The following PRKCH variants were observed in gnomAD, a reference collection of about 807,000 sequenced individuals.
PRKCH encodes the protein protein kinase C eta.
Under a neutral mutation model 82.5 loss-of-function variants are expected in PRKCH, and 28 were observed. The ratio of observed to expected loss-of-function variants is 0.34; its 90% CI spans 0.25 to 0.47. The LOEUF (loss-of-function observed/expected upper bound fraction) is 0.47, where lower values mean the gene tolerates loss of function less well. Among genes scored for constraint, PRKCH ranks in the 20% least tolerant of loss-of-function variants. The probability of loss-of-function intolerance (pLI) is 1.00; values close to 1 mark genes in which losing one functional copy is unlikely to be tolerated. For synonymous variants in PRKCH, 322 were observed against 327.4 expected, an observed-to-expected ratio of 0.98 and a Z score of 0.18; for missense variants, 705 against 881.8, an observed-to-expected ratio of 0.80 and a Z score of 2.54.
intron 1 of PRKCH, among the ~76,000 whole-genome samples, chr14:61,360,510 A>C (rs1369540443): frequency 6.6e-6 from 1 of 151,990 alleles, no homozygotes; most frequent in Non-Finnish European, 1.5e-5. Context: ...ATCTCAAAAA[A>C]AAAGAAAAAA....
intron 1 of PRKCH, among the ~76,000 whole-genome samples, chr14:61,241,140 A>T (rs939241346): frequency 1.3e-5 from 2 of 152,232 alleles, no homozygotes; most frequent in African/African-American, 2.4e-5. Flanking sequence ...CACAGAACTC[A>T]GGAAATACTT....
At chr14:61,515,496 A>G (rs2042811914) in intron 10 of PRKCH, among the ~76,000 whole-genome samples, 1 of 152,204 alleles carries the variant, frequency 6.6e-6, no homozygotes, top group Admixed American at 6.5e-5. Context: ...GGCACTTGAC[A>G]CTAAACAGAG....
At chr14:61,348,216 G>A (rs1184823682) in intron 1 of PRKCH, among the ~76,000 whole-genome samples, 1 of 152,206 alleles carries the variant, frequency 6.6e-6, no homozygotes, top group East Asian at 1.9e-4. Context: ...CACAGCCAGA[G>A]AGCAGGGGGC....
At chr14:61,461,200 C>T (rs17098403) in intron 9 of PRKCH, among the ~76,000 whole-genome samples, 2,457 of 152,264 alleles carry the variant, frequency 0.016, 69 homozygotes, top group African/African-American at 0.057. Context: ...CTTGGTTCCC[C>T]TGGAGCTCCA....
At chr14:61,232,104 C>T (rs142449612) in intron 1 of PRKCH, among the ~76,000 whole-genome samples, 21 of 152,336 alleles carry the variant, frequency 1.4e-4, no homozygotes, top group African/African-American at 4.8e-4. Context: ...TTCGCTTTTG[C>T]TTCTGACCCA....
chr14:61,523,009 TA>T (rs1157905911), intron 10 of PRKCH, among the ~76,000 whole-genome samples: 1 of 152,256 alleles, frequency 6.6e-6, no homozygotes, highest in Non-Finnish European at 1.5e-5. Flanking sequence ...ACTTTAAGTA[TA>T]AACCCAGGCA....
rs1209316645 is a variant in PRKCH at position 61,280,344 on chromosome 14, G to A, written c.-19+92676G>A. 4 of 1,613,944 alleles carry A rather than the reference G, an allele frequency of 2.5e-6. No individual in the cohort carries two copies. The East Asian group carries it at 6.7e-5, about 27-fold the overall frequency. On this transcript the variant is annotated intron_variant, in intron 1 of 3. Transcript: ENST00000555185. This position sits in a 1 kb window ranked among gnomAD's most constrained non-coding sequence, Gnocchi z 5.0. ...CGGCCGAGTAGTTGCCCTGGCGGAT[G>A]CGCGCGTACAGTTTGCGGAACGTGG...
At chr14:61,292,309 T>C (rs1481221944) in intron 1 of PRKCH, among the ~76,000 whole-genome samples, 1 of 129,936 alleles carries the variant, frequency 7.7e-6, no homozygotes, top group African/African-American at 3.0e-5. Context: ...ACCCTGTCTC[T>C]ACAAAAAAAA....
chr14:61,525,457 GACCAGGATGAGTC>G (rs1183758419), intron 10 of PRKCH, among the ~76,000 whole-genome samples: 1 of 152,158 alleles, frequency 6.6e-6, no homozygotes, highest in Admixed American at 6.5e-5. Flanking sequence ...GGCATCCTGT[GACCAGGATGAGTC>G]ACATCCCTGT....
At chr14:61,549,637 G>A (rs775715638) in intron 13 of PRKCH, 48 bp from the exon 14 acceptor site, 23 of 1,598,918 alleles carry the variant, frequency 1.4e-5, no homozygotes, top group South Asian at 5.5e-5. Flanking sequence ...AGATGAGTAA[G>A]CCTCAAGCGC....
At chr14:61,231,768 C>T (rs1331209266) in intron 1 of PRKCH, among the ~76,000 whole-genome samples, 1 of 152,102 alleles carries the variant, frequency 6.6e-6, no homozygotes, top group Non-Finnish European at 1.5e-5. Flanking sequence ...GATCTTCTCT[C>T]CCCTCCTCCT....
At chr14:61,303,567 A>G (rs2140105621) in intron 1 of PRKCH, 1 of 152,182 alleles carries the variant, frequency 6.6e-6, no homozygotes, top group African/African-American at 2.4e-5. Context: ...ACCTATCTGG[A>G]TCTTTAAAAT....
At chr14:61,476,463 G>C (rs1314200167) in intron 9 of PRKCH, 16 of 152,232 alleles carry the variant, frequency 1.1e-4, no homozygotes, top group Non-Finnish European at 1.5e-5. Flanking sequence ...CTTGTGCTCT[G>C]ACTCTGCTGT....
intron 1 of PRKCH, chr14:61,279,906 C>A: frequency 1.7e-6 from 1 of 601,804 alleles, no homozygotes; most frequent in South Asian, 2.1e-5. Context: ...AACATCCCTC[C>A]CCGCGGCAAG....
rs60055073 is a variant in PRKCH, at chr14:61,210,111, AATATATATATATATATATAT to A, written c.-19+22475_-19+22494del. On this transcript the variant is annotated intron_variant, in intron 1 of 3. Coordinates refer to the PRKCH transcript ENST00000555185. ...AAAAAACAAAACAAACAAACAAACA[AATATATATATATATATATAT>A]ATATATATATATATATATATATATA... is the stretch of plus-strand genomic sequence containing the variant. 8.4e-3 allele frequency among the ~76,000 whole-genome samples: 738 copies of A among 87,390 alleles called. 14 individuals carry two copies. The highest frequency in any genetic ancestry group is 0.056 in the Middle Eastern group (8 of 142). 57.3% of individuals were successfully genotyped at this position (87,390 alleles called of 152,430 possible).
intron 2 of PRKCH, among the ~76,000 whole-genome samples, chr14:61,409,032 A>G (rs1882115628): frequency 6.6e-6 from 1 of 152,222 alleles, no homozygotes; most frequent in South Asian, 2.1e-4. Flanking sequence ...GCTAGGCCAC[A>G]GGGAATATGT....
At chr14:61,438,770 A>G (rs1021703337) in intron 2 of PRKCH, among the ~76,000 whole-genome samples, 1 of 152,246 alleles carries the variant, frequency 6.6e-6, no homozygotes, top group African/African-American at 2.4e-5. Flanking sequence ...TCCTAGTCAC[A>G]TGTGCTTTCT....
chr14:61,427,523 C>A (rs1229715151), intron 2 of PRKCH, among the ~76,000 whole-genome samples: 1 of 152,070 alleles, frequency 6.6e-6, no homozygotes, highest in Non-Finnish European at 1.5e-5. Context: ...TTTGCAGGGT[C>A]ATTTCAAAAT....
Position 61,530,393 on chromosome 14 carries a change from C to A in PRKCH, c.1573-14C>A. The A allele has an allele frequency of 6.6e-7, 1 of 1,516,780 alleles. No homozygotes were observed. The highest frequency in any genetic ancestry group is 8.9e-7 in the Non-Finnish European group (1 of 1,124,896). 94.0% of individuals were successfully genotyped at this position (1,516,780 alleles called of 1,614,324 possible). On this transcript the variant is annotated splice_polypyrimidine_tract_variant and intron_variant, in intron 11 of 13. Coordinates refer to ENST00000332981, the MANE Select transcript of PRKCH (RefSeq NM_006255.5). ...ATGTATGAACCACCTTCTCACGCTG[C>A]CCCCTTTGCACAGATCCTCCAGGAA...
Sources: allele counts gnomAD v4.1 joint callset (sites outside exome capture counted in the v4.1 genomes callset), GRCh38; gene constraint gnomAD v4.1.1; non-coding constraint Gnocchi (gnomAD v3.1); transcripts MANE v1.5; gene names NCBI Gene and HGNC (gene_info 2026-07-23, HGNC 2026-07-21).